Variants in DCDC1 observed in about 807,000 individuals in gnomAD.
DCDC1 encodes the protein doublecortin domain containing 1, also known as doublecortin domain-containing protein 1.
DCDC1 carries 200 observed loss-of-function variants against 178.3 expected under a neutral mutation model. The ratio of observed to expected loss-of-function variants is 1.12; its 90% CI spans 1.00 to 1.26. DCDC1 has a LOEUF of 1.26. Ranked by LOEUF, DCDC1 falls within the 50% of genes most tolerant of loss-of-function variation. The pLI, the probability that DCDC1 is intolerant of heterozygous loss-of-function variation, is 0.00. For missense variants in DCDC1, 1,983 were observed against 1,749.2 expected (o/e 1.13, Z -2.38); for synonymous variants, 690 against 604.8 (o/e 1.14, Z -2.07).
chr11:31,297,412 T>C (rs1474290176), intron 6 of DCDC1, among the ~76,000 whole-genome samples: 1 of 151,980 alleles, frequency 6.6e-6, no homozygotes, highest in Non-Finnish European at 1.5e-5. Flanking sequence ...CAGCCTGGAG[T>C]GCAGTGGCAT....
intron 10 of DCDC1, among the ~76,000 whole-genome samples, chr11:31,128,559 C>A (rs1020667410): frequency 2.0e-5 from 3 of 152,096 alleles, no homozygotes; most frequent in Admixed American, 6.5e-5. Context: ...CAGAAATCTA[C>A]CTCATCTGTG....
chr11:31,327,663 G>A (rs894438472), intron 3 of DCDC1, among the ~76,000 whole-genome samples: 2 of 152,008 alleles, frequency 1.3e-5, no homozygotes, highest in African/African-American at 4.8e-5. Flanking sequence ...AAAAGGAAGG[G>A]CTCTACTCTA....
chr11:30,967,944 G>A (rs907306198), intron 20 of DCDC1, among the ~76,000 whole-genome samples: 1 of 152,124 alleles, frequency 6.6e-6, no homozygotes, highest in Admixed American at 6.6e-5. Context: ...GAGCTCTGAG[G>A]TATGGGAAAA....
chr11:31,123,934 G>C (rs1472881484), intron 11 of DCDC1, among the ~76,000 whole-genome samples: 2 of 152,010 alleles, frequency 1.3e-5, no homozygotes, highest in South Asian at 2.1e-4. Flanking sequence ...TATGTGACTA[G>C]TGGCTACTTT....
rs560372390 is a variant in DCDC1, at chr11:30,930,616, T to G, written c.2897+1155A>C. Among the ~76,000 whole-genome samples the G allele has an allele frequency of 1.5e-3, 221 of 152,278 alleles. 1 individual carries two copies. Among genetic ancestry groups the G allele is most frequent in the African/African-American group, 5.0e-3 (208 of 41,562 alleles). On this transcript the variant is annotated intron_variant, in intron 22 of 38. Transcript: ENST00000684477. ...TAGAACAGTTGTCCAAATTTACCATTTCAATCTCTTAAAATTTGTTCGGAT... is the reference window on the plus strand; with the variant it reads ...TAGAACAGTTGTCCAAATTTACCATGTCAATCTCTTAAAATTTGTTCGGAT...
At chr11:31,346,381 TTGAAC>T in intron 1 of DCDC1, among the ~76,000 whole-genome samples, 1 of 150,066 alleles carries the variant, frequency 6.7e-6, no homozygotes, top group Non-Finnish European at 1.5e-5. Flanking sequence ...GGAGAATTGC[TTGAAC>T]CCGGGAGGCG....
intron 15 of DCDC1, 99 bp downstream of exon 15, chr11:31,102,078 G>GAAAAAA: frequency 5.2e-6 from 2 of 383,710 alleles, no homozygotes; most frequent in East Asian, 3.6e-5. Flanking sequence ...CTCCATCTCA[G>GAAAAAA]AAAAAAAAAA....
At chr11:31,043,500 A>AT (rs917678901) in intron 20 of DCDC1, among the ~76,000 whole-genome samples, 86 of 150,446 alleles carry the variant, frequency 5.7e-4, no homozygotes, top group Admixed American at 9.3e-4. Context: ...TCCCTAATGG[A>AT]TTTTTTTTTT....
At chr11:30,984,172 C>T (rs1428820518) in intron 20 of DCDC1, among the ~76,000 whole-genome samples, 1 of 152,044 alleles carries the variant, frequency 6.6e-6, no homozygotes, top group East Asian at 1.9e-4. Context: ...GTTTATTTCA[C>T]GAAGACAGAA....
chr11:31,292,569 T>C (rs531324972), intron 6 of DCDC1, among the ~76,000 whole-genome samples: 1 of 152,238 alleles, frequency 6.6e-6, no homozygotes, highest in South Asian at 2.1e-4. Context: ...TAGGTACATC[T>C]ATAAAAACAG....
At chr11:31,342,086 C>T (rs978367272) in intron 1 of DCDC1, among the ~76,000 whole-genome samples, 24 of 152,254 alleles carry the variant, frequency 1.6e-4, no homozygotes, top group Middle Eastern at 3.4e-3. Context: ...AACTAACTGA[C>T]ATTAAGGGTC....
At chr11:31,258,592 A>T (rs1944569590) in intron 8 of DCDC1, among the ~76,000 whole-genome samples, 1 of 152,204 alleles carries the variant, frequency 6.6e-6, no homozygotes, top group African/African-American at 2.4e-5. Flanking sequence ...GAAGAGCAGG[A>T]GCATTAAAAA....
At chr11:31,215,566 G>A (rs1306816589) in intron 9 of DCDC1, among the ~76,000 whole-genome samples, 4 of 151,508 alleles carry the variant, frequency 2.6e-5, no homozygotes, top group African/African-American at 9.7e-5. Context: ...AGGCCAAGGT[G>A]GGCAGATCAT....
chr11:31,201,125 T>G (rs1265062567), intron 9 of DCDC1, among the ~76,000 whole-genome samples: 1 of 151,994 alleles, frequency 6.6e-6, no homozygotes, highest in Non-Finnish European at 1.5e-5. Context: ...GTTATATCTG[T>G]GAACTTAGAG....
At chr11:31,230,365 A>T (rs1975617622) in intron 9 of DCDC1, among the ~76,000 whole-genome samples, 2 of 152,152 alleles carry the variant, frequency 1.3e-5, no homozygotes, top group Admixed American at 6.5e-5. Context: ...AAAAAGAAAA[A>T]AATAGAAAAA....
intron 20 of DCDC1, among the ~76,000 whole-genome samples, chr11:31,044,001 T>C (rs1034917301): frequency 1.3e-5 from 2 of 152,078 alleles, no homozygotes; most frequent in Admixed American, 6.5e-5. Context: ...CAAAGATGTC[T>C]TTCCCTAATT....
chr11:30,952,622 T>A, intron 20 of DCDC1, 54 bp from the exon 21 acceptor site: 1 of 725,140 alleles, frequency 1.4e-6, no homozygotes, highest in Non-Finnish European at 2.2e-6. Flanking sequence ...AATATCACTT[T>A]AAAATATTCA....
chr11:31,009,438 TTGTGTGTGTG>T (rs139389381), intron 20 of DCDC1, among the ~76,000 whole-genome samples: 11 of 144,518 alleles, frequency 7.6e-5, no homozygotes, highest in South Asian at 4.6e-4. Context: ...CACAGTTTCT[TTGTGTGTGTG>T]TGTGTGTGTG....
At chr11:30,917,881 C>T (rs976743332) in intron 25 of DCDC1, among the ~76,000 whole-genome samples, 2 of 152,166 alleles carry the variant, frequency 1.3e-5, no homozygotes, top group African/African-American at 4.8e-5. Context: ...TATTAAATTA[C>T]CAAAATCTTC....
Sources: allele counts gnomAD v4.1 joint callset (sites outside exome capture counted in the v4.1 genomes callset), GRCh38; gene constraint gnomAD v4.1.1; transcripts MANE v1.5; gene names NCBI Gene and HGNC (gene_info 2026-07-23, HGNC 2026-07-21).